The following NCKAP5 variants were observed in gnomAD, a reference collection of about 807,000 sequenced individuals.
NCKAP5 encodes NCK associated protein 5.
NCKAP5 carries 92 observed loss-of-function variants against 167.0 expected under a neutral mutation model. That is an observed-to-expected ratio of 0.55 (90% CI 0.47 to 0.66). The LOEUF (loss-of-function observed/expected upper bound fraction) is 0.66. Ranked by LOEUF, NCKAP5 falls within the 30% of genes least tolerant of loss-of-function variation. The pLI is 0.00. For synonymous variants in NCKAP5, 891 were observed against 877.4 expected (o/e 1.02, Z -0.27); for missense variants, 2,378 against 2,315.0 (o/e 1.03, Z -0.56).
At chr2:133,576,059 A>AAGTC in the NCKAP5 span, among the ~76,000 whole-genome samples, 2 of 152,248 alleles carry the variant, frequency 1.3e-5, no homozygotes, top group East Asian at 1.9e-4. Context: ...AAGGAGATGA[A>AAGTC]AGTCACAGTA....
chr2:132,847,846 C>T (rs556509242), intron 11 of NCKAP5, among the ~76,000 whole-genome samples: 3 of 152,250 alleles, frequency 2.0e-5, no homozygotes, highest in Admixed American at 6.5e-5. Context: ...AGCTAACCCA[C>T]GGTGACAGAA....
At chr2:133,186,935 T>A (rs1004091893) in intron 5 of NCKAP5, among the ~76,000 whole-genome samples, 1 of 151,800 alleles carries the variant, frequency 6.6e-6, no homozygotes, top group Non-Finnish European at 1.5e-5. Flanking sequence ...TTTACAATTT[T>A]TTTTGCATCT....
chr2:133,581,724 A>T, the NCKAP5 span, among the ~76,000 whole-genome samples: 1 of 152,206 alleles, frequency 6.6e-6, no homozygotes, highest in African/African-American at 2.4e-5. Flanking sequence ...AGACAACTCA[A>T]ACCTTCAGTT....
intron 6 of NCKAP5, among the ~76,000 whole-genome samples, chr2:133,105,097 C>T (rs2081638937): frequency 6.6e-6 from 1 of 152,326 alleles, no homozygotes; most frequent in Middle Eastern, 3.4e-3. Context: ...CTAGGAAATG[C>T]ATCCTTTTGT....
intron 6 of NCKAP5, among the ~76,000 whole-genome samples, chr2:133,040,158 C>T (rs1230635158): frequency 6.6e-6 from 1 of 151,932 alleles, no homozygotes; most frequent in Non-Finnish European, 1.5e-5. Flanking sequence ...GGAAAATGTG[C>T]TACAATATTC....
rs80151999 is a variant in NCKAP5 at position 133,195,308 on chromosome 2, G to A, written c.207+18408C>T. ...GTTTCAGAATATATGATTATTAGGTGACACAGATTTCCAAGAATTGAGTGA... is the reference window on the plus strand; with the variant it reads ...GTTTCAGAATATATGATTATTAGGTAACACAGATTTCCAAGAATTGAGTGA... On this transcript the variant is annotated intron_variant, in intron 5 of 19. Coordinates refer to ENST00000409261, the MANE Select transcript of NCKAP5 (RefSeq NM_207363.3). 1.2e-4 allele frequency among the ~76,000 whole-genome samples: 19 copies of A among 152,286 alleles called. 1 individual carries two copies. The East Asian group carries it at 3.5e-3, about 28-fold the overall frequency.
intron 8 of NCKAP5, among the ~76,000 whole-genome samples, chr2:132,895,842 A>C (rs1191587221): frequency 2.6e-5 from 4 of 151,476 alleles, no homozygotes; most frequent in African/African-American, 9.7e-5. Flanking sequence ...AACAAAAAAA[A>C]AAACACAGTA....
chr2:133,326,650 A>C (rs1682474953), intron 3 of NCKAP5, among the ~76,000 whole-genome samples: 3 of 151,950 alleles, frequency 2.0e-5, no homozygotes, highest in Admixed American at 2.0e-4. Context: ...ATGGTTATTA[A>C]TATAAAGACT....
the NCKAP5 span, among the ~76,000 whole-genome samples, chr2:133,621,113 A>G: frequency 6.6e-6 from 1 of 152,144 alleles, no homozygotes; most frequent in African/African-American, 2.4e-5. Flanking sequence ...TCTCGGATAC[A>G]GCAAAAGCGG....
chr2:132,959,516 A>T (rs571557931), intron 8 of NCKAP5, among the ~76,000 whole-genome samples: 1 of 152,302 alleles, frequency 6.6e-6, no homozygotes, highest in South Asian at 2.1e-4. Context: ...ACTTTTAGTC[A>T]GGTGTGCAGT....
intron 3 of NCKAP5, among the ~76,000 whole-genome samples, chr2:133,411,310 G>A (rs1473826452): frequency 6.6e-6 from 1 of 152,134 alleles, no homozygotes; most frequent in Non-Finnish European, 1.5e-5. Context: ...CTGGAGCCCT[G>A]GTGTGGGCGT....
intron 8 of NCKAP5, among the ~76,000 whole-genome samples, chr2:132,880,648 G>A (rs1054893283): frequency 5.3e-5 from 8 of 151,906 alleles, no homozygotes; most frequent in African/African-American, 1.9e-4. Flanking sequence ...AGAGAAAAAA[G>A]AAATGATAAA....
intron 6 of NCKAP5, among the ~76,000 whole-genome samples, chr2:133,108,731 A>C (rs2081806087): frequency 6.6e-6 from 1 of 151,930 alleles, no homozygotes; most frequent in African/African-American, 2.4e-5. Flanking sequence ...CCACCATTCT[A>C]CTCTGTGCTT....
chr2:133,194,928 T>C (rs1032893699), intron 5 of NCKAP5, among the ~76,000 whole-genome samples: 1 of 151,586 alleles, frequency 6.6e-6, no homozygotes, highest in Non-Finnish European at 1.5e-5. Context: ...TTAACAGTAG[T>C]TGAGCAAAGT....
chr2:133,590,548 A>T, the NCKAP5 span, among the ~76,000 whole-genome samples: 1 of 145,430 alleles, frequency 6.9e-6, no homozygotes, highest in African/African-American at 2.6e-5. Context: ...AAAAAAAAGA[A>T]AGTGGTGAGG....
chr2:133,624,538 C>T, the NCKAP5 span, among the ~76,000 whole-genome samples: 4 of 152,150 alleles, frequency 2.6e-5, no homozygotes, highest in East Asian at 7.7e-4. Context: ...TCGTTCAGGG[C>T]ACACTTTTAG....
chr2:132,882,428 C>T (rs1691835315), intron 8 of NCKAP5, among the ~76,000 whole-genome samples: 1 of 152,088 alleles, frequency 6.6e-6, no homozygotes, highest in South Asian at 2.1e-4. Flanking sequence ...ATATTAGTAT[C>T]TTCCTTTTTG....
At chr2:132,991,196 C>T (rs4954015) in intron 7 of NCKAP5, among the ~76,000 whole-genome samples, 119,259 of 152,122 alleles carry the variant, frequency 0.78, 47,199 homozygotes, top group African/African-American at 0.88. Flanking sequence ...ATCTGTAAGA[C>T]AGGGATAGTG....
intron 11 of NCKAP5, among the ~76,000 whole-genome samples, chr2:132,809,537 T>C (rs369823351): frequency 6.6e-6 from 1 of 152,288 alleles, no homozygotes; most frequent in Non-Finnish European, 1.5e-5. Context: ...TTGTCTCTTT[T>C]AACTGCCGAT....
Sources: allele counts gnomAD v4.1 joint callset (sites outside exome capture counted in the v4.1 genomes callset), GRCh38; gene constraint gnomAD v4.1.1; transcripts MANE v1.5; gene names NCBI Gene and HGNC (gene_info 2026-07-23, HGNC 2026-07-21).